ATG2A: variants seen among roughly 807,000 people sequenced by gnomAD.
The protein encoded by ATG2A is autophagy-related protein 2 homolog A.
A neutral mutation model predicts 214.2 loss-of-function variants in ATG2A; 103 were observed. That is an observed-to-expected ratio of 0.48 (90% CI 0.41 to 0.57). The LOEUF (loss-of-function observed/expected upper bound fraction) is 0.57, where lower values mean the gene tolerates loss of function less well. Among genes scored for constraint, ATG2A ranks in the 20% least tolerant of loss-of-function variants. The pLI is 0.00. For missense variants in ATG2A, 2,312 were observed against 2,613.2 expected (o/e 0.88, Z 2.51); for synonymous variants, 1,160 against 1,142.1 (o/e 1.02, Z -0.32).
chr11:64,910,390 C>T (rs898034944), intron 12 of ATG2A, among the ~76,000 whole-genome samples, 195 bp from the exon 13 acceptor site: 1 of 152,252 alleles, frequency 6.6e-6, no homozygotes, highest in Non-Finnish European at 1.5e-5. Flanking sequence ...CCACTCTTAG[C>T]AACAGAGGCC....
In ATG2A at chr11:64,898,706, G is replaced by A. The variant is rs1555182829; in HGVS notation, c.4601C>T (p.Ser1534Phe). The A allele has an allele frequency of 2.5e-6, 4 of 1,614,008 alleles. No individual in the cohort carries two copies. Among genetic ancestry groups the A allele is most frequent in the Non-Finnish European group, 3.4e-6 (4 of 1,180,026 alleles). The change falls in exon 32 of 41, where the codon TCC (serine) becomes TTC (phenylalanine). Residue 1534 changes from serine (S) to phenylalanine (F), a missense_variant. Ser to Phe is a radical substitution (Grantham distance 155). Transcript: ENST00000377264. The surrounding 1 kb of genome is among the most constrained non-coding windows in gnomAD (Gnocchi z 4.5). ...GTACAGGAACTTGTTGATCTGGGAG[G>A]AGGCGAGCCGGTCTCGGACCTCCAG... ...QELEVRDRLA[S>F]SQINKFLYLH...
chr11:64,900,599 G>C lies in ATG2A; in HGVS notation c.4359C>G (p.Ser1453Arg). 1 of 1,612,126 alleles carries C rather than the reference G, an allele frequency of 6.2e-7. No homozygotes were observed. Among genetic ancestry groups the C allele is most frequent in the East Asian group, 2.2e-5 (1 of 44,880 alleles). The part of the protein sequence containing the change: ...RARTGLSGPR[S>R]SPSRCSGPNR... The stretch of plus-strand genomic sequence containing the variant: ...TGGGGCCAGAGCAGCGGGAAGGGGA[G>C]CTCCTGGGACCTGAGAGGCCAGTTC... The change falls in exon 31 of 41, where the codon AGC (serine) becomes AGG (arginine). Residue 1453 changes from serine to arginine, a missense_variant. Physicochemically the swap from Ser to Arg is moderately radical, Grantham distance 110. Coordinates refer to ENST00000377264, the MANE Select transcript of ATG2A (RefSeq NM_015104.3).
chr11:64,900,812 G>C, intron 30 of ATG2A, 72 bp downstream of exon 30: 1 of 1,488,086 alleles, frequency 6.7e-7, no homozygotes, highest in Non-Finnish European at 9.0e-7. Context: ...GTCTCCAGCT[G>C]CTGAAAGTCA....
At chr11:64,908,236 G>A (rs997317110) in intron 16 of ATG2A, among the ~76,000 whole-genome samples, 7 of 152,134 alleles carry the variant, frequency 4.6e-5, no homozygotes, top group Admixed American at 3.3e-4. Flanking sequence ...TGGCCAACAC[G>A]GTGAAACCCT....
chr11:64,906,842 TC>T, intron 19 of ATG2A, 27 bp from the exon 20 acceptor site: 2 of 1,603,966 alleles, frequency 1.2e-6, no homozygotes, highest in South Asian at 1.1e-5. Context: ...CAGCCTGGCT[TC>T]CCCAGCTGCA....
chr11:64,896,425 C>G lies in ATG2A; in HGVS notation c.5427+37G>C, dbSNP rs779048085. The stretch of plus-strand genomic sequence containing the variant: ...TGTGGTGCAGAGGGCTCCAGCTGCT[C>G]TGTCCTGCACAGCCCAGATACAGGG... On this transcript the variant is annotated intron_variant, in intron 39 of 40. Coordinates refer to ENST00000377264, the MANE Select transcript of ATG2A (RefSeq NM_015104.3). 7 of 1,577,614 alleles carry G rather than the reference C, an allele frequency of 4.4e-6. No individual in the cohort carries two copies. The African/African-American group carries it at 8.1e-5, about 18-fold the overall frequency.
At position 64,897,967 on chromosome 11, in the gene ATG2A, G is replaced by C; in HGVS notation, c.4866C>G (p.Pro1622=). 3 of 1,554,148 alleles carry C rather than the reference G, an allele frequency of 1.9e-6. No homozygotes were observed. Among genetic ancestry groups the C allele is most frequent in the Non-Finnish European group, 2.6e-6 (3 of 1,152,954 alleles). Residue 1622 remains proline (P), a synonymous_variant, in exon 35 of 41, where the codon CCC becomes CCG. Coordinates refer to ENST00000377264, the MANE Select transcript of ATG2A (RefSeq NM_015104.3). ...VPGETSAEAR[P]ETRAQPSSPL... is the part of the protein sequence containing the mutation. Reference sequence around the variant, plus strand: ...GGCTGCTGGGCTGGGCTCGAGTCTCGGGGCGAGCTAGGGGAGGGGAGGTCA... The same window carrying C: ...GGCTGCTGGGCTGGGCTCGAGTCTCCGGGCGAGCTAGGGGAGGGGAGGTCA...
In ATG2A at chr11:64,896,791, G is replaced by A; in HGVS notation, c.5229C>T (p.Gly1743=). 1 of 1,614,158 alleles carries A rather than the reference G, an allele frequency of 6.2e-7. No individual in the cohort carries two copies. The highest frequency in any genetic ancestry group is 8.5e-7 in the Non-Finnish European group (1 of 1,180,034). ...LQDIRKNQLP[G]LLGGVGPMHS... is the part of the protein sequence containing the mutation. ...GCATGGGGCCCACGCCTCCCAGCAG[G>A]CCGGGCAGCTGGTTCTTGCGGATGT... The change falls in exon 38 of 41, where the codon GGC becomes GGT. Residue 1743 remains glycine, a synonymous_variant. Coordinates refer to ENST00000377264, the MANE Select transcript of ATG2A (RefSeq NM_015104.3).
chr11:64,894,549 C>T lies in ATG2A; in HGVS notation c.*424G>A, dbSNP rs1337773549. 1.9e-5 allele frequency: 9 copies of T among 468,962 alleles called. No homozygotes were observed. Among genetic ancestry groups the T allele is most frequent in the Admixed American group, 4.7e-5 (2 of 42,794 alleles). The allele number at this position is 468,962 out of a possible 1,614,324, so 29.1% of individuals were successfully genotyped here. On this transcript the variant is annotated 3_prime_UTR_variant, in exon 41 of 41. Coordinates refer to ENST00000377264, the MANE Select transcript of ATG2A (RefSeq NM_015104.3). ...ACAGAGGATCTGAGAGGGGGGCTGG[C>T]GGTGGGCAGTTTATTCCACTTCATG... is the stretch of plus-strand genomic sequence containing the variant.
chr11:64,899,009 G>A (rs1489559820), intron 31 of ATG2A, among the ~76,000 whole-genome samples, 167 bp from the exon 32 acceptor site: 2 of 152,188 alleles, frequency 1.3e-5, no homozygotes, highest in East Asian at 3.8e-4. Context: ...TGCCTCTCGG[G>A]TTCAAGCGAT....
rs148366443 is a variant in ATG2A, at chr11:64,901,995, G to C, written c.4086C>G (p.Phe1362Leu). 12 of 1,613,728 alleles carry C rather than the reference G, an allele frequency of 7.4e-6. No individual in the cohort carries two copies. Among genetic ancestry groups the C allele is most frequent in the African/African-American group, 1.3e-5 (1 of 74,912 alleles). The part of the protein sequence containing the change: ...GDGDTLDSDE[F>L]CILDAPGLGI... ...CCAGGCCGGGAGCATCAAGGATGCA[G>C]AACTCATCACTGTCCAGGGTGTCTC... The change falls in exon 29 of 41, where the codon TTC (phenylalanine) becomes TTG (leucine). Residue 1362 changes from phenylalanine to leucine, a missense_variant. Physicochemically the swap from Phe to Leu is conservative, Grantham distance 22. Transcript: ENST00000377264.
Position 64,909,376 on chromosome 11 carries a change from G to A in ATG2A, c.2108-9C>T. The A allele has an allele frequency of 3.1e-6, 5 of 1,609,324 alleles. No homozygotes were observed. Among genetic ancestry groups the A allele is most frequent in the Non-Finnish European group, 3.4e-6 (4 of 1,176,834 alleles). On this transcript the variant is annotated splice_polypyrimidine_tract_variant and intron_variant, in intron 14 of 40. Transcript: ENST00000377264. ...TCCATCTTCATAGATACCTGGAGGG[G>A]GATGGGGAATTAGGGGGGTCATCAC...
At position 64,894,738 on chromosome 11, in the gene ATG2A, G is replaced by T. The variant is rs200510974; in HGVS notation, c.*235C>A. ...GGAGAAGGCAGCAGTGTGGGCCCAG[G>T]TCGGGGGAGGGGCAGTGTCCTTTCT... On this transcript the variant is annotated 3_prime_UTR_variant, in exon 41 of 41. Transcript: ENST00000377264. The T allele has an allele frequency of 1.9e-3, 1,308 of 705,164 alleles. 3 individuals carry two copies. Among genetic ancestry groups the T allele is most frequent in the Non-Finnish European group, 2.8e-3 (1,084 of 388,600 alleles). 43.7% of individuals were successfully genotyped at this position (705,164 alleles called of 1,614,324 possible).
In ATG2A at chr11:64,913,211, C is replaced by T; in HGVS notation, c.726+55G>A. 1.9e-6 allele frequency: 3 copies of T among 1,611,362 alleles called. No individual in the cohort carries two copies. The highest frequency in any genetic ancestry group is 2.5e-6 in the Non-Finnish European group (3 of 1,179,350). On this transcript the variant is annotated intron_variant, in intron 5 of 40. Coordinates refer to ENST00000377264, the MANE Select transcript of ATG2A (RefSeq NM_015104.3). This position sits in a 1 kb window ranked among gnomAD's most constrained non-coding sequence, Gnocchi z 4.3. ...AGATGGTCAGAAAGGATGGGAGGGG[C>T]TCAATGGGCTCAAGGGAGAGGAGAC...
Position 64,898,302 on chromosome 11 carries a change from G to T in ATG2A, c.4732C>A (p.Leu1578Ile), listed in dbSNP as rs183090470. The T allele has an allele frequency of 3.1e-6, 5 of 1,613,274 alleles. No homozygotes were observed. In the Admixed American group the frequency reaches 6.7e-5, roughly 22 times the overall value. The change falls in exon 33 of 41, where the codon CTC becomes ATC. Residue 1578 changes from leucine (L) to isoleucine (I), a missense_variant. Coordinates refer to ENST00000377264, the MANE Select transcript of ATG2A (RefSeq NM_015104.3). This position sits in a 1 kb window ranked among gnomAD's most constrained non-coding sequence, Gnocchi z 4.5. Reference protein sequence around the residue: ...TTNLGGPECCLRVSLMPLRLN... With the variant: ...TTNLGGPECCIRVSLMPLRLN... ...CGCAGGGGCATCAGCGAGACGCGGA[G>T]ACAGCACTCAGGCCCACCCAGGTTG...
chr11:64,899,798 G>C (rs962113947), intron 31 of ATG2A, among the ~76,000 whole-genome samples: 41 of 152,108 alleles, frequency 2.7e-4, no homozygotes, highest in Admixed American at 2.5e-3. Context: ...AAACATTCTG[G>C]GTCGCTGGTT....
chr11:64,906,881 T>C (rs988811713), intron 19 of ATG2A, 66 bp from the exon 20 acceptor site: 4 of 1,543,482 alleles, frequency 2.6e-6, no homozygotes, highest in Non-Finnish European at 3.5e-6. Context: ...CCTCTGGGGG[T>C]TGGCGGCTCC....
chr11:64,912,232 C>A lies in ATG2A; in HGVS notation c.940G>T (p.Asp314Tyr). The stretch of plus-strand genomic sequence containing the variant: ...AGCGGGCGGCTCTTGTTCAGCTTGT[C>A]AGCCAGGCCCTCGTGGTCTGCAGGG... ...VSLTDHEGLA[D>Y]KLNKSRPLGA... Residue 314 changes from aspartate to tyrosine, a missense_variant, in exon 8 of 41, where the codon GAC becomes TAC. Asp to Tyr is a radical substitution (Grantham distance 160). Coordinates refer to ENST00000377264, the MANE Select transcript of ATG2A (RefSeq NM_015104.3). 1 of 1,613,172 alleles carries A rather than the reference C, an allele frequency of 6.2e-7. No individual in the cohort carries two copies. Among genetic ancestry groups the A allele is most frequent in the Non-Finnish European group, 8.5e-7 (1 of 1,179,592 alleles).
chr11:64,903,450 A>C lies in ATG2A; in HGVS notation c.3536-86T>G, dbSNP rs984165711. 10 of 1,549,008 alleles carry C rather than the reference A, an allele frequency of 6.5e-6. No individual in the cohort carries two copies. Among genetic ancestry groups the C allele is most frequent in the African/African-American group, 1.4e-5 (1 of 73,636 alleles). Reference sequence around the variant, plus strand: ...CCTGGGGGAAGGATCCGGTTGATCCAGGTGTAGTCCCTGCTGTGCGGGCTA... The same window carrying C: ...CCTGGGGGAAGGATCCGGTTGATCCCGGTGTAGTCCCTGCTGTGCGGGCTA... On this transcript the variant is annotated intron_variant, in intron 25 of 40. Coordinates refer to ENST00000377264, the MANE Select transcript of ATG2A (RefSeq NM_015104.3). This position sits in a 1 kb window ranked among gnomAD's most constrained non-coding sequence, Gnocchi z 4.2.
Sources: gnomAD v4.1 joint callset for allele counts (sites outside exome capture counted in the v4.1 genomes callset) on GRCh38, gnomAD v4.1.1 for gene constraint, Gnocchi (gnomAD v3.1) non-coding constraint, MANE v1.5 for transcripts, NCBI Gene and HGNC (gene_info 2026-07-23, HGNC 2026-07-21) for gene names.